Variants in GPHN observed in about 807,000 individuals in gnomAD.
GPHN encodes the protein gephyrin.
GPHN carries 17 observed loss-of-function variants against 95.5 expected under a neutral mutation model. The ratio of observed to expected loss-of-function variants is 0.18; its 90% CI spans 0.12 to 0.27. The LOEUF (loss-of-function observed/expected upper bound fraction) is 0.27, where lower values mean the gene tolerates loss of function less well. Ranked by LOEUF, GPHN falls within the 10% of genes least tolerant of loss-of-function variation. The pLI is 1.00. For synonymous variants in GPHN, 320 were observed against 322.5 expected (o/e 0.99, Z 0.08); for missense variants, 660 against 978.1 (o/e 0.67, Z 4.34).
chr14:66,519,871 C>T lies in GPHN; in HGVS notation c.64+11280C>T, dbSNP rs1221666505. On this transcript the variant is annotated intron_variant, in intron 1 of 22. Transcript: ENST00000478722. ...TCGTAATAATATGTTAGTGTTGTCA[C>T]CATTTTACAGCTGAAGAAATTGTAG... 8.5e-5 allele frequency among the ~76,000 whole-genome samples: 13 copies of T among 152,226 alleles called. No homozygotes were observed. In the East Asian group the frequency reaches 2.3e-3, roughly 27 times the overall value.
the GPHN span, among the ~76,000 whole-genome samples, chr14:67,637,739 A>G: frequency 6.6e-6 from 1 of 152,242 alleles, no homozygotes; most frequent in Non-Finnish European, 1.5e-5. Context: ...ATAGTTTAAC[A>G]TAAATTTGTA....
At chr14:67,584,352 C>A in the GPHN span, among the ~76,000 whole-genome samples, 1 of 151,970 alleles carries the variant, frequency 6.6e-6, no homozygotes, top group Admixed American at 6.5e-5. Flanking sequence ...ATGTGATCAA[C>A]TAATTCACAC....
In GPHN at chr14:66,640,059, G is replaced by A. The variant is rs111930534; in HGVS notation, c.65-41048G>A. Among the ~76,000 whole-genome samples the A allele has an allele frequency of 3.7e-3, 556 of 152,254 alleles. 12 individuals carry two copies. Among genetic ancestry groups the A allele is most frequent in the African/African-American group, 0.013 (530 of 41,544 alleles). On this transcript the variant is annotated intron_variant, in intron 1 of 22. Coordinates refer to ENST00000478722, the MANE Select transcript of GPHN (RefSeq NM_020806.5). ...AATAAAGAAGCTGAAACACCTAGGT[G>A]CAATGGATCATATTCTTTTGTTCAT...
At chr14:66,761,104 A>G (rs1410188350) in intron 2 of GPHN, 3 of 373,044 alleles carry the variant, frequency 8.0e-6, no homozygotes, top group Admixed American at 7.5e-5. Context: ...TATTTTTTAC[A>G]TAGGTCACTT....
intron 10 of GPHN, among the ~76,000 whole-genome samples, chr14:67,048,538 G>A (rs1022333262): frequency 6.6e-6 from 1 of 152,182 alleles, no homozygotes; most frequent in African/African-American, 2.4e-5. Context: ...TGTCAGTTTA[G>A]ATGTTATAAT....
the GPHN span, chr14:67,577,938 G>A: frequency 9.5e-6 from 12 of 1,264,372 alleles, no homozygotes; most frequent in Non-Finnish European, 1.3e-5. Flanking sequence ...AACCTCCCTG[G>A]AGCCCTTGGA....
the GPHN span, among the ~76,000 whole-genome samples, chr14:67,228,711 A>G: frequency 6.6e-6 from 1 of 152,112 alleles, no homozygotes; most frequent in Non-Finnish European, 1.5e-5. Context: ...TGATGGAAAA[A>G]TTTGTTATTC....
At chr14:66,943,064 C>A (rs1224699228) in intron 8 of GPHN, among the ~76,000 whole-genome samples, 2 of 152,118 alleles carry the variant, frequency 1.3e-5, no homozygotes, top group African/African-American at 4.8e-5. Flanking sequence ...CACTGAAAAA[C>A]CATATAATAC....
the GPHN span, among the ~76,000 whole-genome samples, chr14:67,599,359 T>C: frequency 2.0e-5 from 3 of 152,178 alleles, no homozygotes; most frequent in African/African-American, 7.2e-5. Context: ...GAATTCTATT[T>C]TAGAGATGTA....
chr14:67,364,846 A>G, the GPHN span: 1 of 1,613,938 alleles, frequency 6.2e-7, no homozygotes. Context: ...TGTCAGATCC[A>G]TTGCTGAAAT....
chr14:67,692,944 C>T, the GPHN span: 1 of 1,611,756 alleles, frequency 6.2e-7, no homozygotes, highest in Admixed American at 1.7e-5. Flanking sequence ...CTCTCTGAGC[C>T]AGCTCTTTGG....
intron 2 of GPHN, among the ~76,000 whole-genome samples, chr14:66,706,577 TAATA>T (rs1355618054): frequency 1.3e-5 from 2 of 152,192 alleles, no homozygotes; most frequent in African/African-American, 4.8e-5. Context: ...ACTCCCTATT[TAATA>T]AATGGTGCTA....
intron 1 of GPHN, among the ~76,000 whole-genome samples, chr14:66,649,347 C>A (rs891622895): frequency 1.9e-4 from 29 of 150,956 alleles, no homozygotes; most frequent in Non-Finnish European, 2.5e-4. Context: ...AAAAAAAAAA[C>A]AAAAACAAGC....
downstream of GPHN, among the ~76,000 whole-genome samples, chr14:67,185,997 C>T (rs2083366417): frequency 6.6e-6 from 1 of 152,158 alleles, no homozygotes; most frequent in South Asian, 2.1e-4. Flanking sequence ...GCTTGACTCT[C>T]TGTGTTATGT....
At chr14:66,880,441 A>G (rs2063876969) in intron 5 of GPHN, among the ~76,000 whole-genome samples, 1 of 151,902 alleles carries the variant, frequency 6.6e-6, no homozygotes, top group African/African-American at 2.4e-5. Context: ...ATCAATTCCT[A>G]ACCCAGAGAA....
At chr14:67,630,980 T>C in the GPHN span, among the ~76,000 whole-genome samples, 2 of 152,180 alleles carry the variant, frequency 1.3e-5, no homozygotes, top group African/African-American at 4.8e-5. Flanking sequence ...GTTGGGTAAC[T>C]AACACTCGGC....
intron 16 of GPHN, among the ~76,000 whole-genome samples, chr14:67,115,591 T>G (rs1238430754): frequency 6.6e-6 from 1 of 152,042 alleles, no homozygotes; most frequent in Non-Finnish European, 1.5e-5. Context: ...AAAAATTAGC[T>G]GGGTGTGATG....
chr14:66,818,893 T>G (rs1052894396), intron 3 of GPHN, among the ~76,000 whole-genome samples: 2 of 152,246 alleles, frequency 1.3e-5, no homozygotes, highest in East Asian at 3.8e-4. Flanking sequence ...TATGTCTTCT[T>G]CTGAGAAGTG....
intron 9 of GPHN, 43 bp from the exon 10 acceptor site, chr14:67,023,590 A>C (rs762869820): frequency 6.4e-7 from 1 of 1,556,008 alleles, no homozygotes; most frequent in Non-Finnish European, 8.9e-7. Context: ...CTGCCTATTC[A>C]TGCTATAAAC....
Sources: allele counts gnomAD v4.1 joint callset (sites outside exome capture counted in the v4.1 genomes callset), GRCh38; gene constraint gnomAD v4.1.1; transcripts MANE v1.5; gene names NCBI Gene and HGNC (gene_info 2026-07-23, HGNC 2026-07-21).